Variants in PTPRN2 observed in about 807,000 individuals in gnomAD.
The protein encoded by PTPRN2 is receptor-type tyrosine-protein phosphatase N2.
In PTPRN2, 74 loss-of-function variants were observed where a neutral mutation model predicts 118.8. The observed-to-expected ratio is 0.62, with a 90% CI of 0.52 to 0.76. PTPRN2 has a LOEUF of 0.76. PTPRN2 is among the 30% of genes least tolerant of loss of function. The pLI is 0.00. For synonymous variants in PTPRN2, 641 were observed against 608.0 expected, an observed-to-expected ratio of 1.05 and a Z score of -0.80; for missense variants, 1,481 against 1,394.4, an observed-to-expected ratio of 1.06 and a Z score of -0.99.
chr7:157,773,416 G>A (rs1238233117), intron 12 of PTPRN2, among the ~76,000 whole-genome samples: 2 of 152,194 alleles, frequency 1.3e-5, no homozygotes, highest in Admixed American at 6.5e-5. Context: ...TTACCCTGAC[G>A]AGCTCTGCAG....
intron 2 of PTPRN2, among the ~76,000 whole-genome samples, chr7:158,476,253 C>T (rs1455020515): frequency 6.6e-6 from 1 of 152,242 alleles, no homozygotes; most frequent in East Asian, 1.9e-4. Context: ...ATTCGCCTGC[C>T]TTGGCCTCCC....
Position 157,603,910 on chromosome 7 carries a change from C to A in PTPRN2, c.2418+92G>T, listed in dbSNP as rs566367892. Reference sequence around the variant, plus strand: ...GCAGAGACGCTGAGCTGGGTGGGGACGTGATTTCCCCCGAGAACCTTCCCA... The same window carrying A: ...GCAGAGACGCTGAGCTGGGTGGGGAAGTGATTTCCCCCGAGAACCTTCCCA... On this transcript the variant is annotated intron_variant, in intron 16 of 22. Transcript: ENST00000389418. This position sits in a 1 kb window ranked among gnomAD's most constrained non-coding sequence, Gnocchi z 5.4. The A allele has an allele frequency of 8.1e-7, 1 of 1,235,782 alleles. No individual in the cohort carries two copies. The allele number at this position is 1,235,782 out of a possible 1,614,324, so 76.6% of individuals were successfully genotyped here.
chr7:157,707,610 C>A (rs1223163345), intron 12 of PTPRN2, among the ~76,000 whole-genome samples: 1 of 151,158 alleles, frequency 6.6e-6, no homozygotes, highest in Non-Finnish European at 1.5e-5. Flanking sequence ...GACAGAGTCT[C>A]ACTCTGTCAC....
chr7:158,274,561 C>T (rs995736752), intron 3 of PTPRN2, among the ~76,000 whole-genome samples: 47 of 152,126 alleles, frequency 3.1e-4, no homozygotes, highest in African/African-American at 4.8e-5. Context: ...CCTCACACTC[C>T]GGGATCTAGC....
intron 2 of PTPRN2, among the ~76,000 whole-genome samples, chr7:158,407,326 C>G (rs375791782): frequency 1.4e-3 from 56 of 38,870 alleles, no homozygotes; most frequent in African/African-American, 4.7e-3. Context: ...CTGGGTCCTG[C>G]GTCCTGGGTC....
Position 157,764,617 on chromosome 7 carries a change from T to C in PTPRN2, c.1789-81680A>G, listed in dbSNP as rs775797005. On this transcript the variant is annotated intron_variant, in intron 12 of 22. Coordinates refer to ENST00000389418, the MANE Select transcript of PTPRN2 (RefSeq NM_002847.5). This position sits in a 1 kb window ranked among gnomAD's most constrained non-coding sequence, Gnocchi z 4.5. ...GGGACAGACTTCCAGTGTGGAAAGA[T>C]GGAAAGAGTTTTAGAAGCAGATAGT... 6.6e-6 allele frequency among the ~76,000 whole-genome samples: 1 copy of C among 152,106 alleles called. No homozygotes were observed. The highest frequency in any genetic ancestry group is 1.5e-5 in the Non-Finnish European group (1 of 68,024).
At chr7:157,807,955 G>A (rs1805736464) in intron 12 of PTPRN2, among the ~76,000 whole-genome samples, 1 of 152,196 alleles carries the variant, frequency 6.6e-6, no homozygotes, top group Admixed American at 6.5e-5. Context: ...GAAAACTGAG[G>A]CTTAGAACAT....
chr7:158,567,848 T>C (rs975702252), intron 1 of PTPRN2, among the ~76,000 whole-genome samples: 5 of 152,216 alleles, frequency 3.3e-5, no homozygotes, highest in African/African-American at 1.2e-4. Flanking sequence ...GCTGCCCAGG[T>C]GTGCAAGATG....
At chr7:157,708,702 A>G (rs1798451996) in intron 12 of PTPRN2, among the ~76,000 whole-genome samples, 1 of 152,202 alleles carries the variant, frequency 6.6e-6, no homozygotes, top group Non-Finnish European at 1.5e-5. Context: ...GCAATTCAGC[A>G]TTCCACATGA....
intron 19 of PTPRN2, among the ~76,000 whole-genome samples, chr7:157,574,891 G>A (rs1799946172): frequency 6.6e-6 from 1 of 152,242 alleles, no homozygotes; most frequent in Admixed American, 6.5e-5. Flanking sequence ...GGCCTTGGCC[G>A]AAACGCTGGG....
intron 2 of PTPRN2, among the ~76,000 whole-genome samples, chr7:158,419,944 G>A (rs1815111342): frequency 6.6e-6 from 1 of 152,194 alleles, no homozygotes; most frequent in Admixed American, 6.5e-5. Context: ...ACCCCGAGCT[G>A]TGCCTGAACC....
At chr7:158,302,522 C>T (rs1055002231) in intron 3 of PTPRN2, among the ~76,000 whole-genome samples, 1 of 152,256 alleles carries the variant, frequency 6.6e-6, no homozygotes, top group East Asian at 1.9e-4. Flanking sequence ...TACCCCAGAT[C>T]ACCCCCAGTC....
chr7:157,866,479 G>A (rs759337179), intron 12 of PTPRN2, among the ~76,000 whole-genome samples: 5 of 151,816 alleles, frequency 3.3e-5, no homozygotes, highest in African/African-American at 4.8e-5. Context: ...CATATCCCTC[G>A]TGTACACACA....
At chr7:157,806,611 T>C (rs1412719426) in intron 12 of PTPRN2, among the ~76,000 whole-genome samples, 1 of 152,202 alleles carries the variant, frequency 6.6e-6, no homozygotes, top group African/African-American at 2.4e-5. Context: ...CATAAAGATA[T>C]ATGCATGTGT....
chr7:158,080,350 T>C (rs1359093397), intron 11 of PTPRN2, among the ~76,000 whole-genome samples: 2 of 131,216 alleles, frequency 1.5e-5, no homozygotes, highest in African/African-American at 6.0e-5. Context: ...AACAAGTTCA[T>C]AGATTTAGCA....
intron 11 of PTPRN2, among the ~76,000 whole-genome samples, chr7:158,054,797 G>A (rs950150307): frequency 1.3e-5 from 2 of 152,226 alleles, no homozygotes; most frequent in Admixed American, 6.5e-5. Context: ...TGATGTGCCT[G>A]GGGGCGCGGG....
At chr7:158,408,219 G>A (rs1337871024) in intron 2 of PTPRN2, among the ~76,000 whole-genome samples, 3 of 152,050 alleles carry the variant, frequency 2.0e-5, no homozygotes, top group Non-Finnish European at 4.4e-5. Context: ...ATTTTCTTTG[G>A]TATTGAAAGC....
Position 157,945,679 on chromosome 7 carries a change from C to T in PTPRN2, c.1724-46942G>A, listed in dbSNP as rs370977322. 2.2e-4 allele frequency among the ~76,000 whole-genome samples: 33 copies of T among 151,308 alleles called. 2 individuals are homozygous for T. Among genetic ancestry groups the T allele is most frequent in the African/African-American group, 8.0e-4 (33 of 41,400 alleles). Reference sequence around the variant, plus strand: ...ATGCCGCCTCCAGCTTGGACGATGCCGCCTCCAGCTTGGACGATGTCACCT... The same window carrying T: ...ATGCCGCCTCCAGCTTGGACGATGCTGCCTCCAGCTTGGACGATGTCACCT... On this transcript the variant is annotated intron_variant, in intron 11 of 22. Transcript: ENST00000389418.
chr7:158,498,924 C>T (rs1450624017), intron 1 of PTPRN2, among the ~76,000 whole-genome samples: 9 of 152,190 alleles, frequency 5.9e-5, no homozygotes. Context: ...AGACATGGCA[C>T]ACGTGAACCA....
Sources: allele counts gnomAD v4.1 joint callset (sites outside exome capture counted in the v4.1 genomes callset), GRCh38; gene constraint gnomAD v4.1.1; non-coding constraint Gnocchi (gnomAD v3.1); transcripts MANE v1.5; gene names NCBI Gene and HGNC (gene_info 2026-07-23, HGNC 2026-07-21).